The following CTNND2 variants were observed in gnomAD, a reference collection of about 807,000 sequenced individuals.
CTNND2 encodes the protein catenin delta-2.
In CTNND2, 22 loss-of-function variants were observed where a neutral mutation model predicts 144.4. That is an observed-to-expected ratio of 0.15 (90% CI 0.11 to 0.22). CTNND2 has a LOEUF of 0.22. Ranked by LOEUF, CTNND2 falls within the 10% of genes least tolerant of loss-of-function variation. The pLI, the probability that CTNND2 is intolerant of heterozygous loss-of-function variation, is 1.00. For missense variants in CTNND2, 1,353 were observed against 1,618.8 expected (o/e 0.84, Z 2.82); for synonymous variants, 751 against 695.6 (o/e 1.08, Z -1.25).
intron 2 of CTNND2, among the ~76,000 whole-genome samples, chr5:11,591,659 C>T (rs1282467118): frequency 5.3e-5 from 8 of 152,014 alleles, no homozygotes; most frequent in Non-Finnish European, 7.4e-5. Flanking sequence ...TTTAAACTTA[C>T]TCAAGTTACA....
chr5:11,478,623 C>T (rs1767973855), intron 3 of CTNND2, among the ~76,000 whole-genome samples: 1 of 152,186 alleles, frequency 6.6e-6, no homozygotes, highest in South Asian at 2.1e-4. Flanking sequence ...TTAACTATTT[C>T]CCAAAGGTAG....
chr5:11,851,292 T>C (rs776585379), intron 1 of CTNND2, among the ~76,000 whole-genome samples: 2 of 152,188 alleles, frequency 1.3e-5, no homozygotes, highest in Non-Finnish European at 2.9e-5. Flanking sequence ...GGTGTGAGTG[T>C]ATATGTGTTC....
At chr5:11,515,290 T>C (rs184432086) in intron 3 of CTNND2, among the ~76,000 whole-genome samples, 39 of 152,282 alleles carry the variant, frequency 2.6e-4, no homozygotes, top group Admixed American at 1.4e-3. Context: ...AGGTTAATGA[T>C]GTGAAACTCT....
At chr5:11,370,580 T>A (rs988915606) in intron 7 of CTNND2, among the ~76,000 whole-genome samples, 6 of 152,268 alleles carry the variant, frequency 3.9e-5, no homozygotes, top group Admixed American at 6.5e-5. Context: ...CTGGATTTTT[T>A]AAATTGGAAT....
At chr5:11,382,549 G>C (rs1045399917) in intron 7 of CTNND2, among the ~76,000 whole-genome samples, 2 of 151,736 alleles carry the variant, frequency 1.3e-5, no homozygotes, top group Non-Finnish European at 2.9e-5. Flanking sequence ...AGTGAGCCGA[G>C]ATCGCACCAC....
At chr5:11,547,836 A>G (rs1046484221) in intron 3 of CTNND2, among the ~76,000 whole-genome samples, 2 of 152,214 alleles carry the variant, frequency 1.3e-5, no homozygotes, top group African/African-American at 4.8e-5. Context: ...CTTTTGCATT[A>G]TGGAGAGAAG....
At position 11,262,492 on chromosome 5, in the gene CTNND2, G is replaced by A. The variant is rs539468210; in HGVS notation, c.1629-25669C>T. ...AAACTAAATGTGTTGGCCGGGCGCA[G>A]TGGCTCACGCCTGTAATTCCAGCAC... is the stretch of plus-strand genomic sequence containing the variant. On this transcript the variant is annotated intron_variant, in intron 9 of 21. Coordinates refer to ENST00000304623, the MANE Select transcript of CTNND2 (RefSeq NM_001332.4). Among the ~76,000 whole-genome samples the A allele has an allele frequency of 2.6e-5, 4 of 152,264 alleles. No individual in the cohort carries two copies. In the East Asian group the frequency reaches 7.7e-4, roughly 29 times the overall value.
chr5:11,828,122 C>T (rs1793693879), intron 1 of CTNND2, among the ~76,000 whole-genome samples: 1 of 152,136 alleles, frequency 6.6e-6, no homozygotes, highest in Admixed American at 6.5e-5. Flanking sequence ...ATCTTGAATT[C>T]CCATATGTTG....
intron 15 of CTNND2, among the ~76,000 whole-genome samples, chr5:11,084,794 CA>C (rs1749959389): frequency 6.6e-6 from 1 of 152,138 alleles, no homozygotes. Context: ...TTATTTTATA[CA>C]GGGGGAAATT....
intron 2 of CTNND2, among the ~76,000 whole-genome samples, chr5:11,567,535 T>C (rs977042531): frequency 6.6e-6 from 1 of 152,226 alleles, no homozygotes; most frequent in Non-Finnish European, 1.5e-5. Flanking sequence ...AATTCAATTT[T>C]TTTTTTCCTT....
chr5:11,172,106 T>TG lies in CTNND2; in HGVS notation c.1976-12348dup. Among the ~76,000 whole-genome samples, 2 of 152,158 alleles carry TG rather than the reference T, an allele frequency of 1.3e-5. 1 individual carries two copies. The highest frequency in any genetic ancestry group is 4.8e-5 in the African/African-American group (2 of 41,442). On this transcript the variant is annotated intron_variant, in intron 11 of 21. Coordinates refer to ENST00000304623, the MANE Select transcript of CTNND2 (RefSeq NM_001332.4). The stretch of plus-strand genomic sequence containing the variant: ...CATAATATTTCTCATGTGATCCACC[T>TG]GGGGGGCATTAAGAAAGATACCGAT...
chr5:11,787,605 G>A (rs1388137139), intron 1 of CTNND2, among the ~76,000 whole-genome samples: 1 of 152,158 alleles, frequency 6.6e-6, no homozygotes, highest in Non-Finnish European at 1.5e-5. Flanking sequence ...TTAACAGAAA[G>A]TATTATTGGA....
intron 18 of CTNND2, among the ~76,000 whole-genome samples, chr5:11,005,531 G>A (rs1740399295): frequency 6.6e-6 from 1 of 152,164 alleles, no homozygotes; most frequent in East Asian, 1.9e-4. Context: ...ACATAGTTGG[G>A]TATGGGAGAT....
intron 3 of CTNND2, among the ~76,000 whole-genome samples, chr5:11,504,909 T>C (rs1273518264): frequency 6.6e-6 from 1 of 152,056 alleles, no homozygotes; most frequent in Non-Finnish European, 1.5e-5. Flanking sequence ...GCAGGTTCCT[T>C]TTCCTGAGAA....
At chr5:11,663,439 A>G (rs1208944404) in intron 2 of CTNND2, among the ~76,000 whole-genome samples, 1 of 152,224 alleles carries the variant, frequency 6.6e-6, no homozygotes, top group Non-Finnish European at 1.5e-5. Flanking sequence ...CTTAATGAGT[A>G]GAACAGAGAT....
chr5:11,389,231 C>T (rs960051802), intron 6 of CTNND2, among the ~76,000 whole-genome samples: 4 of 152,062 alleles, frequency 2.6e-5, no homozygotes, highest in Admixed American at 6.5e-5. Context: ...AACCCATTTA[C>T]GAGAAATGGA....
At chr5:11,346,794 C>A (rs975574494) in intron 8 of CTNND2, among the ~76,000 whole-genome samples, 167 bp from the exon 9 acceptor site, 1 of 152,102 alleles carries the variant, frequency 6.6e-6, no homozygotes, top group Non-Finnish European at 1.5e-5. Flanking sequence ...TCAATGTTAT[C>A]CAGTCAAATG....
At chr5:11,374,306 T>C (rs1757717072) in intron 7 of CTNND2, among the ~76,000 whole-genome samples, 2 of 152,210 alleles carry the variant, frequency 1.3e-5, no homozygotes, top group African/African-American at 4.8e-5. Flanking sequence ...TAACTTGACA[T>C]CAGACTTGTA....
At chr5:11,116,118 T>C (rs556354526) in intron 13 of CTNND2, among the ~76,000 whole-genome samples, 1 of 152,232 alleles carries the variant, frequency 6.6e-6, no homozygotes, top group South Asian at 2.1e-4. Flanking sequence ...AGTTAGACAG[T>C]TGGGTTAGGA....
Sources: allele counts gnomAD v4.1 joint callset (sites outside exome capture counted in the v4.1 genomes callset), GRCh38; gene constraint gnomAD v4.1.1; transcripts MANE v1.5; gene names NCBI Gene and HGNC (gene_info 2026-07-23, HGNC 2026-07-21).